Variants in PPP1R3A observed in about 807,000 individuals in gnomAD.
The protein encoded by PPP1R3A is RG1.
A neutral mutation model predicts 41.7 loss-of-function variants in PPP1R3A; 29 were observed. The ratio of observed to expected loss-of-function variants is 0.70; its 90% CI spans 0.52 to 0.95. PPP1R3A has a LOEUF of 0.95. Ranked by LOEUF, PPP1R3A falls within the 40% of genes least tolerant of loss-of-function variation. PPP1R3A has a pLI of 0.00. For missense variants in PPP1R3A, 1,352 were observed against 1,292.4 expected (o/e 1.05, Z -0.71); for synonymous variants, 485 against 453.4 (o/e 1.07, Z -0.89).
chr7:113,902,612 G>C (rs1451041544), intron 1 of PPP1R3A, among the ~76,000 whole-genome samples: 1 of 151,762 alleles, frequency 6.6e-6, no homozygotes, highest in Non-Finnish European at 1.5e-5. Context: ...TCCCTTCTTA[G>C]AGAATTTGTA....
chr7:113,917,572 C>G (rs1797361647), intron 1 of PPP1R3A, among the ~76,000 whole-genome samples: 1 of 151,952 alleles, frequency 6.6e-6, no homozygotes. Context: ...CTAAATTATA[C>G]TAATTTGTGT....
At chr7:113,896,845 A>G (rs1238843428) in intron 1 of PPP1R3A, among the ~76,000 whole-genome samples, 1 of 150,196 alleles carries the variant, frequency 6.7e-6, no homozygotes, top group Non-Finnish European at 1.5e-5. Context: ...AAATGAATAG[A>G]CACATTCCCT....
At position 113,879,451 on chromosome 7, in the gene PPP1R3A, G is replaced by A. The variant is rs770614564; in HGVS notation, c.1641C>T (p.Asn547=). The A allele has an allele frequency of 3.1e-6, 5 of 1,613,396 alleles. No individual in the cohort carries two copies. Among genetic ancestry groups the A allele is most frequent in the Non-Finnish European group, 4.2e-6 (5 of 1,179,686 alleles). ...CAATCCCTGCCACACTTATTTTAGG[G>A]TTACCCATCTTCCTTTCTTGGTCAT... The part of the protein sequence containing the change: ...ILHDQERKMG[N]PKISVAGIGA... The change falls in exon 4 of 4, where the codon AAC becomes AAT. Residue 547 remains asparagine, a synonymous_variant. Coordinates refer to ENST00000284601, the MANE Select transcript of PPP1R3A (RefSeq NM_002711.4).
chr7:113,903,966 T>C (rs2129118945), intron 1 of PPP1R3A, among the ~76,000 whole-genome samples: 1 of 151,854 alleles, frequency 6.6e-6, no homozygotes, highest in South Asian at 2.1e-4. Flanking sequence ...TCAAATTCAA[T>C]TCCTCTGTGG....
At position 113,918,361 on chromosome 7, in the gene PPP1R3A, T is replaced by A; in HGVS notation, c.636A>T (p.Glu212Asp). 1 of 1,613,420 alleles carries A rather than the reference T, an allele frequency of 6.2e-7. No individual in the cohort carries two copies. Among genetic ancestry groups the A allele is most frequent in the African/African-American group, 1.3e-5 (1 of 74,982 alleles). The change falls in exon 1 of 4, where the codon GAA becomes GAT. Residue 212 changes from glutamate (E) to aspartate (D), a missense_variant. By Grantham distance (45) the Glu-to-Asp change is conservative. Coordinates refer to ENST00000284601, the MANE Select transcript of PPP1R3A (RefSeq NM_002711.4). The stretch of plus-strand genomic sequence containing the variant: ...TTGACCAAAATGTACCAACAGAAGT[T>A]TCATAACGTATACAAAACTCAACTT... ...GSKVEFCIRY[E>D]TSVGTFWSNN...
chr7:113,884,533 A>G (rs1584813513), intron 1 of PPP1R3A, among the ~76,000 whole-genome samples: 1 of 152,058 alleles, frequency 6.6e-6, no homozygotes, highest in East Asian at 1.9e-4. Flanking sequence ...GGTACTTTTC[A>G]GTAAGTTGAG....
At chr7:113,883,192 TATA>T (rs1330421237) in intron 1 of PPP1R3A, among the ~76,000 whole-genome samples, 6 of 152,038 alleles carry the variant, frequency 3.9e-5, no homozygotes, top group Non-Finnish European at 7.4e-5. Context: ...ACAAGTCAAT[TATA>T]AGAAATATTT....
chr7:113,902,608 C>G (rs1258004458), intron 1 of PPP1R3A, among the ~76,000 whole-genome samples: 1 of 151,838 alleles, frequency 6.6e-6, no homozygotes, highest in Non-Finnish European at 1.5e-5. Context: ...TCACTCCCTT[C>G]TTAGAGAATT....
intron 1 of PPP1R3A, among the ~76,000 whole-genome samples, chr7:113,910,454 C>T (rs1047125758): frequency 6.6e-6 from 1 of 151,996 alleles, no homozygotes; most frequent in Non-Finnish European, 1.5e-5. Flanking sequence ...ACACAATAAT[C>T]TTATGCACCT....
chr7:113,910,581 T>A (rs1459190472), intron 1 of PPP1R3A, among the ~76,000 whole-genome samples: 1 of 152,056 alleles, frequency 6.6e-6, no homozygotes, highest in Non-Finnish European at 1.5e-5. Context: ...TTTTAACATA[T>A]AATAAAATTA....
Position 113,877,948 on chromosome 7 carries a change from G to C in PPP1R3A, c.3144C>G (p.Ser1048Arg). Residue 1048 changes from serine to arginine, a missense_variant, in exon 4 of 4, where the codon AGC becomes AGG. By Grantham distance (110) the Ser-to-Arg change is moderately radical. Transcript: ENST00000284601. The part of the protein sequence containing the change: ...LYTSGEKESD[S>R]SASTSLPVEE... Reference sequence around the variant, plus strand: ...CAACAGGAAGACTAGTAGAAGCAGAGCTGTCAGATTCCTTTTCACCTGAAG... The same window carrying C: ...CAACAGGAAGACTAGTAGAAGCAGACCTGTCAGATTCCTTTTCACCTGAAG... 6.2e-7 allele frequency: 1 copy of C among 1,613,430 alleles called. No individual in the cohort carries two copies. Among genetic ancestry groups the C allele is most frequent in the African/African-American group, 1.3e-5 (1 of 74,990 alleles).
chr7:113,895,064 C>A (rs1796955715), intron 1 of PPP1R3A, among the ~76,000 whole-genome samples: 1 of 151,926 alleles, frequency 6.6e-6, no homozygotes, highest in Non-Finnish European at 1.5e-5. Flanking sequence ...CATCAAACTG[C>A]AGCCACTCAC....
At chr7:113,902,998 A>T (rs889996375) in intron 1 of PPP1R3A, among the ~76,000 whole-genome samples, 16 of 151,724 alleles carry the variant, frequency 1.1e-4, no homozygotes, top group Admixed American at 3.3e-4. Flanking sequence ...TACCCAAGCT[A>T]AGAGCATAGT....
rs1800000 is a variant in PPP1R3A, at chr7:113,878,443, C to T, written c.2649G>A (p.Arg883=). 1.2e-6 allele frequency: 2 copies of T among 1,612,098 alleles called. No individual in the cohort carries two copies. Among genetic ancestry groups the T allele is most frequent in the Non-Finnish European group, 1.7e-6 (2 of 1,179,662 alleles). The change falls in exon 4 of 4, where the codon AGG becomes AGA. Residue 883 remains arginine, a synonymous_variant. Transcript: ENST00000284601. ...KTVFSENRDL[R]QVQELSKKTD... ...TTTTCTTTGATAATTCTTGAACCTG[C>T]CTAAGATCTCTGTTTTCTGAAAATA...
At position 113,877,367 on chromosome 7, in the gene PPP1R3A, G is replaced by GA. The variant is rs914567975; in HGVS notation, c.*355dup. 159 of 168,774 alleles carry GA rather than the reference G, an allele frequency of 9.4e-4. No homozygotes were observed. The highest frequency in any genetic ancestry group is 1.2e-3 in the Non-Finnish European group (93 of 80,352). The allele number at this position is 168,774 out of a possible 1,614,324, so 10.5% of individuals were successfully genotyped here. On this transcript the variant is annotated 3_prime_UTR_variant, in exon 4 of 4. Coordinates refer to ENST00000284601, the MANE Select transcript of PPP1R3A (RefSeq NM_002711.4). ...AGGGGAAAATATATACTCTCAAGGG[G>GA]AAAAAAAAATGAAGCTTTATTGCAA...
chr7:113,896,118 T>TA (rs11454093), intron 1 of PPP1R3A, among the ~76,000 whole-genome samples: 149,604 of 151,914 alleles, frequency 0.98, 73,712 homozygotes, highest in East Asian at 1. Flanking sequence ...GGGGATTCAT[T>TA]ACGTGCAGAC....
At position 113,887,660 on chromosome 7, in the gene PPP1R3A, C is replaced by T. The variant is rs564592104; in HGVS notation, c.783-5340G>A. The stretch of plus-strand genomic sequence containing the variant: ...ATTCTGATTTAGGTTTTAGGGATAA[C>T]TAGAAGTTTCCCAATTAGAAAAGAA... On this transcript the variant is annotated intron_variant, in intron 1 of 3. Transcript: ENST00000284601. Among the ~76,000 whole-genome samples the T allele has an allele frequency of 2.6e-5, 4 of 152,206 alleles. No individual in the cohort carries two copies. In the South Asian group the frequency reaches 8.3e-4, roughly 32 times the overall value.
rs146388957 is a variant in PPP1R3A, at chr7:113,897,910, G to C, written c.783-15590C>G. ...CACTGAGGAAATGGACCACACACTG[G>C]GATTGCTAAAGGAGTGAAGTGCAAG... On this transcript the variant is annotated intron_variant, in intron 1 of 3. Coordinates refer to ENST00000284601, the MANE Select transcript of PPP1R3A (RefSeq NM_002711.4). 2.9e-3 allele frequency among the ~76,000 whole-genome samples: 434 copies of C among 151,842 alleles called. 2 individuals are homozygous for C. Among genetic ancestry groups the C allele is most frequent in the African/African-American group, 1.0e-2 (414 of 41,466 alleles).
At chr7:113,903,038 T>C (rs557735227) in intron 1 of PPP1R3A, among the ~76,000 whole-genome samples, 2 of 151,870 alleles carry the variant, frequency 1.3e-5, no homozygotes, top group South Asian at 4.2e-4. Flanking sequence ...TTTGTATATT[T>C]TTTTCTTTAA....
Sources: gnomAD v4.1 joint callset for allele counts (sites outside exome capture counted in the v4.1 genomes callset) on GRCh38, gnomAD v4.1.1 for gene constraint, MANE v1.5 for transcripts, NCBI Gene and HGNC (gene_info 2026-07-23, HGNC 2026-07-21) for gene names.